NAPEPLD: variants seen among roughly 807,000 people sequenced by gnomAD.
The protein encoded by NAPEPLD is N-acyl-phosphatidylethanolamine-hydrolyzing phospholipase D.
Under a neutral mutation model 38.1 loss-of-function variants are expected in NAPEPLD, and 23 were observed. The observed-to-expected ratio is 0.60, with a 90% CI of 0.43 to 0.86. The LOEUF (loss-of-function observed/expected upper bound fraction) is 0.86, where lower values mean the gene tolerates loss of function less well. NAPEPLD is among the 40% of genes least tolerant of loss of function. The pLI is 0.00. For synonymous variants in NAPEPLD, 147 were observed against 162.0 expected, an observed-to-expected ratio of 0.91 and a Z score of 0.71; for missense variants, 411 against 476.8, an observed-to-expected ratio of 0.86 and a Z score of 1.28.
At chr7:103,144,428 T>C (rs929951150) in intron 1 of NAPEPLD, among the ~76,000 whole-genome samples, 1 of 152,208 alleles carries the variant, frequency 6.6e-6, no homozygotes, top group African/African-American at 2.4e-5. Flanking sequence ...TTTCAAATGC[T>C]ATAACTTTCA....
At position 103,119,704 on chromosome 7, in the gene NAPEPLD, C is replaced by T. The variant is rs769043559; in HGVS notation, c.814G>A (p.Val272Ile). The change falls in exon 3 of 5, where the codon GTC (valine) becomes ATC (isoleucine). Residue 272 changes from valine (V) to isoleucine (I), a missense_variant. By Grantham distance (29) the Val-to-Ile change is conservative. Coordinates refer to ENST00000465647, the MANE Select transcript of NAPEPLD (RefSeq NM_001122838.3). The part of the protein sequence containing the change: ...DNKVLWGSWS[V>I]LGPWNRFFFA... ...AAAAATCGATTCCAAGGCCCCAAGA[C>T]AGACCAGCTGCCCCATAGCACCTTG... The T allele has an allele frequency of 8.1e-6, 13 of 1,614,048 alleles. No individual in the cohort carries two copies. Among genetic ancestry groups the T allele is most frequent in the Non-Finnish European group, 1.1e-5 (13 of 1,180,044 alleles).
rs1813205399 is a variant in NAPEPLD, at chr7:103,149,076, A to AG, written c.-283_-282insC. On this transcript the variant is annotated 5_prime_UTR_variant, in exon 1 of 5. Transcript: ENST00000465647. ...CCGCTCCACTTCGCCGAAGAATTCC[A>AG]AACCACCCCAGGCTCAGCAGTGTGG... is the stretch of plus-strand genomic sequence containing the variant. The AG allele has an allele frequency of 1.0e-6, 1 of 985,342 alleles. No individual in the cohort carries two copies. Among genetic ancestry groups the AG allele is most frequent in the Non-Finnish European group, 1.2e-6 (1 of 830,012 alleles). The allele number at this position is 985,342 out of a possible 1,614,324, so 61.0% of individuals were successfully genotyped here. A position where few individuals can be genotyped will look rare whatever the true frequency, so the allele number is the denominator to read the frequency against.
chr7:103,149,611 GCCGAA>G, upstream of NAPEPLD: 1 of 660,754 alleles, frequency 1.5e-6, no homozygotes, highest in Non-Finnish European at 2.1e-6. Context: ...GGGCCGGGGC[GCCGAA>G]GCCATCTTGG....
chr7:103,149,792 A>C (rs1368524066), upstream of NAPEPLD, among the ~76,000 whole-genome samples: 1 of 152,180 alleles, frequency 6.6e-6, no homozygotes, highest in Non-Finnish European at 1.5e-5. Context: ...CAGTTGCTAA[A>C]ACTAAATGGG....
chr7:103,107,528 T>G (rs1006216406), intron 4 of NAPEPLD, among the ~76,000 whole-genome samples: 7 of 151,920 alleles, frequency 4.6e-5, no homozygotes, highest in Admixed American at 3.9e-4. Context: ...AATTGCTAAC[T>G]AGAAAAAACA....
At chr7:103,147,359 T>G (rs1186232158) in intron 1 of NAPEPLD, among the ~76,000 whole-genome samples, 1 of 152,246 alleles carries the variant, frequency 6.6e-6, no homozygotes, top group Non-Finnish European at 1.5e-5. Context: ...ACTTTTTATG[T>G]GTATGCATTT....
chr7:103,143,570 G>A (rs768724946), intron 1 of NAPEPLD, among the ~76,000 whole-genome samples: 45 of 152,064 alleles, frequency 3.0e-4, no homozygotes, highest in Non-Finnish European at 5.0e-4. Context: ...GGAAAGGGAG[G>A]CATTCTTCTC....
chr7:103,144,907 G>A lies in NAPEPLD; in HGVS notation c.-17+3904C>T, dbSNP rs563141093. 2.6e-5 allele frequency among the ~76,000 whole-genome samples: 4 copies of A among 152,180 alleles called. No homozygotes were observed. In the East Asian group the frequency reaches 7.7e-4, roughly 29 times the overall value. On this transcript the variant is annotated intron_variant, in intron 1 of 4. Transcript: ENST00000465647. ...CATGCCTGTAGTCCCAGCTACTCAGGAGGCTGAGGCACAAGAATTGCTTGA... is the reference window on the plus strand; with the variant it reads ...CATGCCTGTAGTCCCAGCTACTCAGAAGGCTGAGGCACAAGAATTGCTTGA...
In NAPEPLD at chr7:103,149,054, C is replaced by T. The variant is rs1813194585; in HGVS notation, c.-260G>A. On this transcript the variant is annotated 5_prime_UTR_variant, in exon 1 of 5. Coordinates refer to ENST00000465647, the MANE Select transcript of NAPEPLD (RefSeq NM_001122838.3). ...GGACGGGAAACCCACTCTCAGCCCG[C>T]TCCACTTCGCCGAAGAATTCCAAAC... The T allele has an allele frequency of 1.5e-5, 15 of 985,464 alleles. No individual in the cohort carries two copies. The highest frequency in any genetic ancestry group is 1.8e-5 in the Non-Finnish European group (15 of 829,986). The allele number at this position is 985,464 out of a possible 1,614,324, so 61.0% of individuals were successfully genotyped here. A position where few individuals can be genotyped will look rare whatever the true frequency, so the allele number is the denominator to read the frequency against.
rs1802510308 is a variant in NAPEPLD at position 103,102,232 on chromosome 7, A to C, written c.*1197T>G. On this transcript the variant is annotated 3_prime_UTR_variant, in exon 5 of 5. Coordinates refer to ENST00000465647, the MANE Select transcript of NAPEPLD (RefSeq NM_001122838.3). ...TAACATTTTGTCTGTAAAATATTTC[A>C]TTGTAGCTGTATTTGTGCTTAGAAG... The C allele has an allele frequency of 6.6e-6, 1 of 152,188 alleles. No individual in the cohort carries two copies. The allele number at this position is 152,188 out of a possible 1,614,324, so 9.4% of individuals were successfully genotyped here.
chr7:103,138,686 T>C (rs1351148340), intron 1 of NAPEPLD, among the ~76,000 whole-genome samples: 1 of 152,128 alleles, frequency 6.6e-6, no homozygotes, highest in Non-Finnish European at 1.5e-5. Context: ...GCCAGGCTGG[T>C]CTTGAACTCC....
In NAPEPLD at chr7:103,102,198, A is replaced by G. The variant is rs1240597938; in HGVS notation, c.*1231T>C. 1.3e-5 allele frequency: 2 copies of G among 152,206 alleles called. No homozygotes were observed. The highest frequency in any genetic ancestry group is 2.9e-5 in the Non-Finnish European group (2 of 68,038). 9.4% of individuals were successfully genotyped at this position (152,206 alleles called of 1,614,324 possible). On this transcript the variant is annotated 3_prime_UTR_variant, in exon 5 of 5. Coordinates refer to ENST00000465647, the MANE Select transcript of NAPEPLD (RefSeq NM_001122838.3). ...TAAAAACAAATTTAATTCAAAGAATATGGTCTATTAACATTTTGTCTGTAA... is the reference window on the plus strand; with the variant it reads ...TAAAAACAAATTTAATTCAAAGAATGTGGTCTATTAACATTTTGTCTGTAA...
Position 103,148,875 on chromosome 7 carries a change from G to A in NAPEPLD, c.-81C>T, listed in dbSNP as rs1016404426. On this transcript the variant is annotated 5_prime_UTR_variant, in exon 1 of 5. Transcript: ENST00000465647. The stretch of plus-strand genomic sequence containing the variant: ...AGGGAAGATAGGATCTCAAATCCCA[G>A]ACAGCTACTCTCCCAAAGAGAAAAA... 4 of 985,166 alleles carry A rather than the reference G, an allele frequency of 4.1e-6. No homozygotes were observed. The African/African-American group carries it at 7.0e-5, about 17-fold the overall frequency. The allele number at this position is 985,166 out of a possible 1,614,324, so 61.0% of individuals were successfully genotyped here. A position where few individuals can be genotyped will look rare whatever the true frequency, so the allele number is the denominator to read the frequency against.
intron 2 of NAPEPLD, among the ~76,000 whole-genome samples, chr7:103,120,803 C>G (rs541729897): frequency 1.5e-4 from 20 of 136,568 alleles, no homozygotes; most frequent in Non-Finnish European, 2.5e-4. Context: ...AGCCACAACC[C>G]CCCAGGGTCA....
upstream of NAPEPLD, chr7:103,149,606 G>A (rs1412488926): frequency 2.5e-5 from 18 of 726,148 alleles, no homozygotes; most frequent in Admixed American, 5.2e-5. Context: ...CCTGTGGGCC[G>A]GGGCGCCGAA....
intron 2 of NAPEPLD, among the ~76,000 whole-genome samples, chr7:103,122,997 T>C (rs963930529): frequency 6.6e-6 from 1 of 152,160 alleles, no homozygotes; most frequent in Admixed American, 6.5e-5. Context: ...ACTGCCCCAA[T>C]TCTCTCGGGC....
At position 103,120,092 on chromosome 7, in the gene NAPEPLD, G is replaced by T. The variant is rs754428687; in HGVS notation, c.426C>A (p.Leu142=). The T allele has an allele frequency of 6.2e-7, 1 of 1,614,158 alleles. No homozygotes were observed. The highest frequency in any genetic ancestry group is 1.6e-4 in the Middle Eastern group (1 of 6,062). The change falls in exon 3 of 5, where the codon CTC becomes CTA. Residue 142 remains leucine (L), a synonymous_variant. Coordinates refer to ENST00000465647, the MANE Select transcript of NAPEPLD (RefSeq NM_001122838.3). ...TAAAGATGGGATCCGTGAGAAATAT[G>T]AGCTCATCCATTTCCACCATTACCG... ...HATVMVEMDE[L]IFLTDPIFSS...
At chr7:103,128,183 C>G in intron 2 of NAPEPLD, 1 of 372,824 alleles carries the variant, frequency 2.7e-6, no homozygotes, top group Non-Finnish European at 4.8e-6. Flanking sequence ...TTTTAGTTGA[C>G]TAGGCCCAGC....
At chr7:103,139,782 A>G (rs1380315143) in intron 1 of NAPEPLD, among the ~76,000 whole-genome samples, 1 of 152,194 alleles carries the variant, frequency 6.6e-6, no homozygotes, top group Non-Finnish European at 1.5e-5. Context: ...CAGGGAAACA[A>G]GGCCCAGGAC....
Sources: gnomAD v4.1 joint callset for allele counts (sites outside exome capture counted in the v4.1 genomes callset) on GRCh38, gnomAD v4.1.1 for gene constraint, MANE v1.5 for transcripts, NCBI Gene and HGNC (gene_info 2026-07-23, HGNC 2026-07-21) for gene names.